The following SSH2 variants were observed in gnomAD, a reference collection of about 807,000 sequenced individuals.
SSH2 encodes protein phosphatase Slingshot homolog 2.
In SSH2, 37 loss-of-function variants were observed where a neutral mutation model predicts 135.2. The observed-to-expected ratio is 0.27, with a 90% CI of 0.21 to 0.36. SSH2 has a LOEUF of 0.36. Among genes scored for constraint, SSH2 ranks in the 10% least tolerant of loss-of-function variants. The pLI is 1.00. For missense variants in SSH2, 1,408 were observed against 1,765.3 expected (o/e 0.80, Z 3.63); for synonymous variants, 628 against 646.2 (o/e 0.97, Z 0.43).
chr17:29,731,939 C>T (rs922502891), intron 3 of SSH2, among the ~76,000 whole-genome samples: 2 of 152,110 alleles, frequency 1.3e-5, no homozygotes, highest in Non-Finnish European at 2.9e-5. Context: ...ACCCCACAAC[C>T]CCAGTGCTGG....
chr17:29,920,164 G>A (rs1187105777), intron 1 of SSH2, among the ~76,000 whole-genome samples: 2 of 152,128 alleles, frequency 1.3e-5, no homozygotes, highest in Admixed American at 6.6e-5. Flanking sequence ...GCCTCCCAAA[G>A]TGCTGGGATT....
At chr17:29,708,993 A>AATATATATATATATATATATATATATAT (rs374708601) in intron 3 of SSH2, among the ~76,000 whole-genome samples, 1 of 65,822 alleles carries the variant, frequency 1.5e-5, no homozygotes, top group African/African-American at 5.8e-5. Flanking sequence ...CTAGTTAAGA[A>AATATATATATATATATATATATATATAT]ATATATATAT....
chr17:29,761,079 G>A, intron 3 of SSH2: 1 of 1,277,604 alleles, frequency 7.8e-7, no homozygotes, highest in Non-Finnish European at 1.0e-6. Flanking sequence ...CCAGGATGCT[G>A]GGGAAAGCGG....
At chr17:29,743,989 G>T (rs1224741173) in intron 3 of SSH2, among the ~76,000 whole-genome samples, 1 of 145,306 alleles carries the variant, frequency 6.9e-6, no homozygotes, top group African/African-American at 2.5e-5. Context: ...CCACTGTGGA[G>T]AATCCTATCA....
At chr17:29,916,120 T>TA (rs986775742) in intron 1 of SSH2, among the ~76,000 whole-genome samples, 1 of 151,498 alleles carries the variant, frequency 6.6e-6, no homozygotes, top group Non-Finnish European at 1.5e-5. Flanking sequence ...TACATTGTCA[T>TA]AAAAAAAATA....
At chr17:29,650,577 A>G in intron 13 of SSH2, 77 bp downstream of exon 13, 1 of 1,384,116 alleles carries the variant, frequency 7.2e-7, no homozygotes, top group Non-Finnish European at 9.7e-7. Flanking sequence ...TAAGTTGTCT[A>G]TAGCCCTCAG....
chr17:29,881,611 C>G (rs2066139330), intron 1 of SSH2, among the ~76,000 whole-genome samples: 1 of 152,126 alleles, frequency 6.6e-6, no homozygotes, highest in South Asian at 2.1e-4. Flanking sequence ...AAGCAATTCT[C>G]CTGCCTGAGC....
intron 1 of SSH2, among the ~76,000 whole-genome samples, chr17:29,913,745 C>T (rs1379924971): frequency 1.3e-5 from 2 of 151,950 alleles, no homozygotes; most frequent in African/African-American, 4.8e-5. Context: ...AGTGATTCTC[C>T]TGCCTCAGCC....
chr17:29,801,353 A>T (rs1341224576), intron 2 of SSH2, among the ~76,000 whole-genome samples: 1 of 152,160 alleles, frequency 6.6e-6, no homozygotes, highest in South Asian at 2.1e-4. Context: ...GTGTTAAGCA[A>T]TATTTTCCCA....
At chr17:29,657,577 T>G (rs1267592800) in intron 11 of SSH2, among the ~76,000 whole-genome samples, 1 of 137,268 alleles carries the variant, frequency 7.3e-6, no homozygotes, top group East Asian at 2.2e-4. Context: ...CTACTTTGTT[T>G]TTTTTTTTTT....
chr17:29,714,122 A>T (rs2039534138), intron 3 of SSH2, among the ~76,000 whole-genome samples: 2 of 152,304 alleles, frequency 1.3e-5, no homozygotes, highest in South Asian at 2.1e-4. Flanking sequence ...GGAAAAATTT[A>T]AAAGCTGTCT....
chr17:29,904,236 G>A (rs550620586), intron 1 of SSH2, among the ~76,000 whole-genome samples: 7 of 152,100 alleles, frequency 4.6e-5, no homozygotes, highest in South Asian at 2.1e-4. Flanking sequence ...GGTGAACATC[G>A]ATGGAGAAAT....
At chr17:29,781,366 C>T (rs2041836420) in intron 3 of SSH2, among the ~76,000 whole-genome samples, 1 of 151,046 alleles carries the variant, frequency 6.6e-6, no homozygotes, top group Non-Finnish European at 1.5e-5. Context: ...GAAAACTTGA[C>T]AAGGTACCAA....
chr17:29,808,102 A>C (rs1362584279), intron 2 of SSH2, among the ~76,000 whole-genome samples: 1 of 152,152 alleles, frequency 6.6e-6, no homozygotes, highest in Non-Finnish European at 1.5e-5. Flanking sequence ...TTTCACAGAA[A>C]ATCTTTCTGT....
intron 3 of SSH2, among the ~76,000 whole-genome samples, chr17:29,788,701 G>A (rs1169336268): frequency 7.2e-6 from 1 of 138,494 alleles, no homozygotes; most frequent in Non-Finnish European, 1.5e-5. Context: ...ACCCTTTTTG[G>A]TTCTATTTCT....
chr17:29,696,628 C>T (rs952103389), intron 4 of SSH2, among the ~76,000 whole-genome samples: 1 of 145,646 alleles, frequency 6.9e-6, no homozygotes, highest in African/African-American at 2.6e-5. Flanking sequence ...TATATACACA[C>T]ACACACACAC....
chr17:29,653,575 C>T (rs2036661945), intron 12 of SSH2, among the ~76,000 whole-genome samples: 2 of 152,100 alleles, frequency 1.3e-5, no homozygotes, highest in Middle Eastern at 3.4e-3. Context: ...ATCTAGGTTT[C>T]CCAGAAGTAC....
At chr17:29,851,754 C>G (rs965311646) in intron 1 of SSH2, among the ~76,000 whole-genome samples, 2 of 151,988 alleles carry the variant, frequency 1.3e-5, no homozygotes, top group African/African-American at 2.4e-5. Context: ...GTAGGCCTGG[C>G]TAGTTGGGAG....
At chr17:29,687,089 T>G (rs1215678606) in intron 5 of SSH2, among the ~76,000 whole-genome samples, 2 of 152,236 alleles carry the variant, frequency 1.3e-5, no homozygotes, top group Non-Finnish European at 2.9e-5. Flanking sequence ...CTCATTATAT[T>G]TGTCAGAAAT....
Sources: gnomAD v4.1 joint callset for allele counts (sites outside exome capture counted in the v4.1 genomes callset) on GRCh38, gnomAD v4.1.1 for gene constraint, MANE v1.5 for transcripts, NCBI Gene and HGNC (gene_info 2026-07-23, HGNC 2026-07-21) for gene names.